The following LONP2 variants were observed in gnomAD, a reference collection of about 807,000 sequenced individuals.
The protein encoded by LONP2 is lon protease homolog 2, peroxisomal.
LONP2 carries 60 observed loss-of-function variants against 85.6 expected under a neutral mutation model. The ratio of observed to expected loss-of-function variants is 0.70; its 90% CI spans 0.57 to 0.87. The LOEUF is 0.87. Among genes scored for constraint, LONP2 ranks in the 40% least tolerant of loss-of-function variants. The pLI is 0.00. For synonymous variants in LONP2, 395 were observed against 389.7 expected, an observed-to-expected ratio of 1.01 and a Z score of -0.16; for missense variants, 860 against 1,063.5, an observed-to-expected ratio of 0.81 and a Z score of 2.66.
At chr16:48,338,031 C>T (rs1300439713) in intron 12 of LONP2, among the ~76,000 whole-genome samples, 3 of 152,134 alleles carry the variant, frequency 2.0e-5, no homozygotes, top group South Asian at 2.1e-4. Context: ...TGGTCTCAAA[C>T]TCCTGAGCTC....
chr16:48,338,327 T>A (rs1331964226), intron 12 of LONP2, among the ~76,000 whole-genome samples: 7 of 152,094 alleles, frequency 4.6e-5, no homozygotes, highest in Admixed American at 4.6e-4. Flanking sequence ...AAACAAATAA[T>A]CACAAATTGA....
chr16:48,358,391 G>C (rs554034437), downstream of LONP2, among the ~76,000 whole-genome samples: 1 of 152,134 alleles, frequency 6.6e-6, no homozygotes, highest in South Asian at 2.1e-4. Context: ...CAAGAACCTA[G>C]GTAAAATTAC....
intron 11 of LONP2, among the ~76,000 whole-genome samples, chr16:48,327,526 C>T (rs1193277823): frequency 2.0e-5 from 3 of 151,986 alleles, no homozygotes; most frequent in East Asian, 3.9e-4. Flanking sequence ...GGCATGATCT[C>T]GGCTCACTGC....
chr16:48,244,705 G>C, intron 1 of LONP2, 84 bp downstream of exon 1: 1 of 1,006,602 alleles, frequency 9.9e-7, no homozygotes, highest in Non-Finnish European at 1.3e-6. Context: ...TGCCTTGAGC[G>C]CGAGGCTCAG....
At chr16:48,350,259 A>C (rs1960100173) in intron 14 of LONP2, among the ~76,000 whole-genome samples, 1 of 152,104 alleles carries the variant, frequency 6.6e-6, no homozygotes, top group Non-Finnish European at 1.5e-5. Flanking sequence ...GTGGTGGCGC[A>C]TGCCTGTAAT....
Position 48,351,617 on chromosome 16 carries a change from A to T in LONP2, c.2374A>T (p.Arg792Ter). ...TAAAGACAAAGTGCTGGCGGCACAC[A>T]GAGCGGGACTGAAGCAAGTCATTAT... is the stretch of plus-strand genomic sequence containing the variant. ...GIKDKVLAAH[R>*]AGLKQVIIPR... The change falls in exon 15 of 15, where the codon AGA (arginine) becomes TGA (stop). Residue 792 changes from arginine to a stop codon, truncating the protein, a stop_gained. Coordinates refer to ENST00000285737, the MANE Select transcript of LONP2 (RefSeq NM_031490.5). LOFTEE classifies it high-confidence loss of function. The T allele has an allele frequency of 6.2e-7, 1 of 1,614,026 alleles. No individual in the cohort carries two copies.
chr16:48,302,837 A>G (rs188473652), intron 10 of LONP2, among the ~76,000 whole-genome samples: 1 of 152,366 alleles, frequency 6.6e-6, no homozygotes, highest in East Asian at 1.9e-4. Context: ...TTGTTTAAGA[A>G]AACTCTTCAA....
At chr16:48,308,146 A>T (rs1018286820) in intron 11 of LONP2, among the ~76,000 whole-genome samples, 2 of 152,332 alleles carry the variant, frequency 1.3e-5, no homozygotes, top group East Asian at 3.9e-4. Context: ...ATAGACACAT[A>T]GATCAATGGA....
Position 48,244,351 on chromosome 16 carries a change from GCT to G in LONP2, c.-35_-34del, listed in dbSNP as rs1220551306. The G allele has an allele frequency of 1.4e-6, 2 of 1,448,330 alleles. No individual in the cohort carries two copies. The highest frequency in any genetic ancestry group is 4.3e-5 in the Admixed American group (2 of 46,804). 89.7% of individuals were successfully genotyped at this position (1,448,330 alleles called of 1,614,324 possible). A position where few individuals can be genotyped will look rare whatever the true frequency, so the allele number is the denominator to read the frequency against. ...CAGGCCGGGGGCAGCTGTCTGTCTG[GCT>G]CTTTTTGACAGCCCCCAGTGCGAAA... On this transcript the variant is annotated 5_prime_UTR_variant, in exon 1 of 15. Transcript: ENST00000285737.
At chr16:48,293,903 A>G (rs1972612370) in intron 8 of LONP2, among the ~76,000 whole-genome samples, 1 of 152,178 alleles carries the variant, frequency 6.6e-6, no homozygotes, top group Non-Finnish European at 1.5e-5. Context: ...TTTTCCATAC[A>G]TAAACATTTT....
intron 7 of LONP2, 142 bp downstream of exon 7, chr16:48,270,416 A>T: frequency 1.1e-6 from 1 of 924,138 alleles, no homozygotes; most frequent in Non-Finnish European, 1.6e-6. Flanking sequence ...CATTTACAAG[A>T]AGTATCAGCT....
At position 48,355,235 on chromosome 16, in the gene LONP2, CCAA is replaced by C. The variant is rs1166026728; in HGVS notation, c.*3435_*3437del. 1 of 152,094 alleles carries C rather than the reference CCAA, an allele frequency of 6.6e-6. No individual in the cohort carries two copies. Among genetic ancestry groups the C allele is most frequent in the East Asian group, 1.9e-4 (1 of 5,198 alleles). The allele number at this position is 152,094 out of a possible 1,614,324, so 9.4% of individuals were successfully genotyped here. A position where few individuals can be genotyped will look rare whatever the true frequency, so the allele number is the denominator to read the frequency against. On this transcript the variant is annotated 3_prime_UTR_variant, in exon 15 of 15. Coordinates refer to ENST00000285737, the MANE Select transcript of LONP2 (RefSeq NM_031490.5). The stretch of plus-strand genomic sequence containing the variant: ...CCAAATTCGTATGTTGAAGCAACCA[CCAA>C]CGTGATAGGTGAGGCTTTAGGAGGT...
chr16:48,277,344 CT>C lies in LONP2; in HGVS notation c.1249del (p.Tyr417MetfsTer13). Reference protein sequence around the residue: ...QSDIRGHRRTYVGSMPGRIIN... With the variant: ...QSDIRGHRRTXVGSMPGRIIN... ...TGCTACTTGCTTTCTCTAGGCGCAC[CT>C]ATGTTGGCAGCATGCCTGGTCGCAT... On this transcript the variant is annotated frameshift_variant, in exon 8 of 15. Coordinates refer to ENST00000285737, the MANE Select transcript of LONP2 (RefSeq NM_031490.5). LOFTEE classifies it high-confidence loss of function. 1 of 1,613,212 alleles carries C rather than the reference CT, an allele frequency of 6.2e-7. No homozygotes were observed. The highest frequency in any genetic ancestry group is 8.5e-7 in the Non-Finnish European group (1 of 1,179,582).
intron 11 of LONP2, among the ~76,000 whole-genome samples, chr16:48,308,628 C>CAAA (rs545067276): frequency 5.8e-5 from 4 of 68,858 alleles, no homozygotes; most frequent in African/African-American, 1.4e-4. Flanking sequence ...GACTCTGTCT[C>CAAA]AAAAAAAAAA....
At chr16:48,277,235 A>C in intron 7 of LONP2, 103 bp from the exon 8 acceptor site, 1 of 1,103,034 alleles carries the variant, frequency 9.1e-7, no homozygotes, top group Admixed American at 2.2e-5. Context: ...TATTATAGTG[A>C]TAGCTAAATG....
intron 8 of LONP2, among the ~76,000 whole-genome samples, chr16:48,285,956 C>A (rs183630703): frequency 8.5e-5 from 13 of 152,232 alleles, no homozygotes; most frequent in Admixed American, 8.5e-4. Flanking sequence ...CTTTCTCCCT[C>A]CCTCAGTCCC....
intron 11 of LONP2, among the ~76,000 whole-genome samples, chr16:48,327,891 T>A (rs943387770): frequency 1.3e-5 from 2 of 152,216 alleles, no homozygotes; most frequent in Non-Finnish European, 2.9e-5. Flanking sequence ...TATCTTTTTC[T>A]TTTTTTCTTA....
chr16:48,296,001 T>C lies in LONP2; in HGVS notation c.1384-14T>C, dbSNP rs779613327. 4.4e-6 allele frequency: 7 copies of C among 1,605,428 alleles called. No homozygotes were observed. The highest frequency in any genetic ancestry group is 5.9e-6 in the Non-Finnish European group (7 of 1,177,810). The stretch of plus-strand genomic sequence containing the variant: ...ACTACTAAAGTTTTTAAAATGTTTT[T>C]TGTTCTCCCCTAGGTGTTGGATCCT... On this transcript the variant is annotated splice_polypyrimidine_tract_variant and intron_variant, in intron 8 of 14. Transcript: ENST00000285737.
At position 48,270,245 on chromosome 16, in the gene LONP2, A is replaced by G; in HGVS notation, c.1212A>G (p.Val404=). The change falls in exon 7 of 15, where the codon GTA becomes GTG. Residue 404 remains valine, a synonymous_variant. Transcript: ENST00000285737. ...TCCACAGGATTGCACTTGGAGGAGTATGTGATCAGTCTGACATTCGAGGAC... is the reference window on the plus strand; with the variant it reads ...TCCACAGGATTGCACTTGGAGGAGTGTGTGATCAGTCTGACATTCGAGGAC... ...REFHRIALGG[V]CDQSDIRGHR... The G allele has an allele frequency of 6.2e-7, 1 of 1,613,990 alleles. No individual in the cohort carries two copies. Among genetic ancestry groups the G allele is most frequent in the South Asian group, 1.1e-5 (1 of 91,078 alleles).
Sources: gnomAD v4.1 joint callset for allele counts (sites outside exome capture counted in the v4.1 genomes callset) on GRCh38, gnomAD v4.1.1 for gene constraint, MANE v1.5 for transcripts, NCBI Gene and HGNC (gene_info 2026-07-23, HGNC 2026-07-21) for gene names.